LMX1B: variants seen among roughly 807,000 people sequenced by gnomAD.
The protein encoded by LMX1B is LIM homeobox transcription factor 1 beta, also known as LIM homeobox transcription factor 1-beta.
A neutral mutation model predicts 51.4 loss-of-function variants in LMX1B; 12 were observed. The observed-to-expected ratio is 0.23, with a 90% CI of 0.15 to 0.38. LMX1B has a LOEUF of 0.38. Among genes scored for constraint, LMX1B ranks in the 10% least tolerant of loss-of-function variants. The probability of loss-of-function intolerance (pLI) is 1.00; values close to 1 mark genes in which losing one functional copy is unlikely to be tolerated. For missense variants in LMX1B, 445 were observed against 571.1 expected, an observed-to-expected ratio of 0.78 and a Z score of 2.25; for synonymous variants, 237 against 235.4, an observed-to-expected ratio of 1.01 and a Z score of -0.06.
intron 2 of LMX1B, among the ~76,000 whole-genome samples, chr9:126,627,423 G>A (rs191453265): frequency 4.9e-4 from 75 of 151,972 alleles, no homozygotes; most frequent in African/African-American, 1.7e-3. Flanking sequence ...AACTTTGAGG[G>A]ACTCTTCCAT....
intron 2 of LMX1B, among the ~76,000 whole-genome samples, chr9:126,674,646 G>T (rs1226699465): frequency 6.6e-6 from 1 of 152,150 alleles, no homozygotes; most frequent in Non-Finnish European, 1.5e-5. Context: ...CTCAGGCAGG[G>T]CTCCCCCATC....
intron 2 of LMX1B, among the ~76,000 whole-genome samples, chr9:126,672,718 G>C (rs1836480935): frequency 6.6e-6 from 1 of 152,216 alleles, no homozygotes; most frequent in Non-Finnish European, 1.5e-5. Flanking sequence ...TGTCACATGG[G>C]GTGCGGGGGG....
intron 2 of LMX1B, among the ~76,000 whole-genome samples, chr9:126,647,083 G>C (rs763722189): frequency 1.3e-5 from 2 of 152,126 alleles, no homozygotes; most frequent in Non-Finnish European, 2.9e-5. Flanking sequence ...GTGCACACCT[G>C]TTCCCAGCCA....
At chr9:126,635,728 G>A (rs1006199794) in intron 2 of LMX1B, among the ~76,000 whole-genome samples, 1 of 152,212 alleles carries the variant, frequency 6.6e-6, no homozygotes, top group Non-Finnish European at 1.5e-5. Flanking sequence ...GGCTCTGAGA[G>A]GTTAAGTTCC....
chr9:126,693,127 T>G lies in LMX1B; in HGVS notation c.560-15T>G. 1 of 1,557,850 alleles carries G rather than the reference T, an allele frequency of 6.4e-7. No individual in the cohort carries two copies. The highest frequency in any genetic ancestry group is 1.4e-5 in the African/African-American group (1 of 73,540). On this transcript the variant is annotated splice_polypyrimidine_tract_variant and intron_variant, in intron 3 of 7. Transcript: ENST00000373474. ...CCCCGCCCCTTCATCACAGGCCGGGTTGTGTCCCCCACAGTGAAGAGCGAG... is the reference window on the plus strand; with the variant it reads ...CCCCGCCCCTTCATCACAGGCCGGGGTGTGTCCCCCACAGTGAAGAGCGAG...
intron 2 of LMX1B, among the ~76,000 whole-genome samples, chr9:126,629,344 T>C (rs1229235119): frequency 6.6e-6 from 1 of 152,196 alleles, no homozygotes; most frequent in Admixed American, 6.5e-5. Flanking sequence ...CTGATGCTTG[T>C]TTAGCACTTG....
chr9:126,686,142 T>A (rs577253406), intron 2 of LMX1B, among the ~76,000 whole-genome samples: 16 of 151,832 alleles, frequency 1.1e-4, no homozygotes, highest in South Asian at 4.2e-4. Context: ...TAGCCGGGCG[T>A]GGTGGCGGGT....
intron 2 of LMX1B, among the ~76,000 whole-genome samples, chr9:126,623,917 C>G (rs1256327835): frequency 6.6e-6 from 1 of 152,262 alleles, no homozygotes; most frequent in African/African-American, 2.4e-5. Context: ...AGGCCCACCT[C>G]TCGGCGGTTC....
At chr9:126,628,934 C>T (rs1406805169) in intron 2 of LMX1B, among the ~76,000 whole-genome samples, 1 of 151,828 alleles carries the variant, frequency 6.6e-6, no homozygotes, top group African/African-American at 2.4e-5. Flanking sequence ...TATTTTTCTC[C>T]ATCGTGTTTT....
chr9:126,623,865 G>A (rs1306250806), intron 2 of LMX1B, among the ~76,000 whole-genome samples: 1 of 152,200 alleles, frequency 6.6e-6, no homozygotes, highest in East Asian at 1.9e-4. Flanking sequence ...CCGGACACGC[G>A]GATGGGGCGG....
rs1835246017 is a variant in LMX1B, at chr9:126,614,097, CCTGCCGCCG to C, written c.-351_-343del. On this transcript the variant is annotated 5_prime_UTR_variant, in exon 1 of 8. Transcript: ENST00000373474. ...CCCTGCACCCCCACCCCCTCCCCCG[CCTGCCGCCG>C]CCGCCACCGCCACCGCCGCCGCCGC... Among the ~76,000 whole-genome samples the C allele has an allele frequency of 7.1e-6, 1 of 141,098 alleles. No individual in the cohort carries two copies. Among genetic ancestry groups the C allele is most frequent in the Non-Finnish European group, 1.6e-5 (1 of 63,790 alleles). The allele number at this position is 141,098 out of a possible 152,430, so 92.6% of individuals were successfully genotyped here. A position where few individuals can be genotyped will look rare whatever the true frequency, so the allele number is the denominator to read the frequency against.
chr9:126,616,195 A>G (rs1835300080), intron 2 of LMX1B, among the ~76,000 whole-genome samples: 2 of 152,242 alleles, frequency 1.3e-5, no homozygotes, highest in Admixed American at 1.3e-4. Flanking sequence ...GGATCTCAAA[A>G]GGTGGCAAGT....
chr9:126,653,279 C>T (rs1476221958), intron 2 of LMX1B, among the ~76,000 whole-genome samples: 3 of 151,268 alleles, frequency 2.0e-5, no homozygotes, highest in South Asian at 2.1e-4. Flanking sequence ...CAGCTACCCC[C>T]GATGAGCTGG....
At chr9:126,662,266 G>T (rs1836260794) in intron 2 of LMX1B, among the ~76,000 whole-genome samples, 1 of 152,194 alleles carries the variant, frequency 6.6e-6, no homozygotes, top group Non-Finnish European at 1.5e-5. Context: ...AGTGGCCCCT[G>T]TGTGGTGCTT....
At chr9:126,652,302 G>C (rs554333033) in intron 2 of LMX1B, among the ~76,000 whole-genome samples, 8 of 149,970 alleles carry the variant, frequency 5.3e-5, no homozygotes, top group East Asian at 4.1e-4. Flanking sequence ...GAGAAGGGGG[G>C]GGGGATTTTC....
chr9:126,619,964 C>T (rs1191756442), intron 2 of LMX1B, among the ~76,000 whole-genome samples: 2 of 152,160 alleles, frequency 1.3e-5, no homozygotes, highest in African/African-American at 4.8e-5. Context: ...GGGACTTATT[C>T]TGCTGGGGGC....
At chr9:126,662,041 G>C (rs920150907) in intron 2 of LMX1B, among the ~76,000 whole-genome samples, 1 of 152,206 alleles carries the variant, frequency 6.6e-6, no homozygotes. Flanking sequence ...CGGGGCAGCC[G>C]AGCCCCCTGC....
At chr9:126,687,510 G>A (rs770343270) in intron 2 of LMX1B, among the ~76,000 whole-genome samples, 20 of 152,176 alleles carry the variant, frequency 1.3e-4, no homozygotes, top group Non-Finnish European at 2.8e-4. Flanking sequence ...GATCACAGGC[G>A]TGAGCCACCG....
At chr9:126,624,426 G>A (rs963139024) in intron 2 of LMX1B, among the ~76,000 whole-genome samples, 7 of 152,316 alleles carry the variant, frequency 4.6e-5, no homozygotes, top group Middle Eastern at 3.4e-3. Flanking sequence ...GACCCCCTCG[G>A]GCTGGCCAAA....
Sources: gnomAD v4.1 joint callset for allele counts (sites outside exome capture counted in the v4.1 genomes callset) on GRCh38, gnomAD v4.1.1 for gene constraint, MANE v1.5 for transcripts, NCBI Gene and HGNC (gene_info 2026-07-23, HGNC 2026-07-21) for gene names.